Variants in AK9 observed in about 807,000 individuals in gnomAD.
AK9 encodes the protein adenylate kinase 9, also known as adenylate kinase domain containing 1.
Under a neutral mutation model 239.6 loss-of-function variants are expected in AK9, and 191 were observed. The observed-to-expected ratio is 0.80, with a 90% CI of 0.71 to 0.90. The LOEUF is 0.90. Ranked by LOEUF, AK9 falls within the 40% of genes least tolerant of loss-of-function variation. AK9 has a pLI of 0.00. For synonymous variants in AK9, 689 were observed against 721.0 expected, an observed-to-expected ratio of 0.96 and a Z score of 0.71; for missense variants, 1,995 against 2,214.7, an observed-to-expected ratio of 0.90 and a Z score of 1.99.
intron 14 of AK9, 36 bp from the exon 15 acceptor site, chr6:109,614,332 C>T: frequency 1.3e-6 from 2 of 1,545,884 alleles, no homozygotes; most frequent in Non-Finnish European, 1.8e-6. Context: ...ATCAGCTAAT[C>T]TATTTATATT....
chr6:109,522,281 G>A (rs930443522), intron 29 of AK9, among the ~76,000 whole-genome samples: 8 of 151,810 alleles, frequency 5.3e-5, no homozygotes, highest in Non-Finnish European at 7.4e-5. Flanking sequence ...TATTCTGCTT[G>A]GCATTCCATG....
At position 109,506,671 on chromosome 6, in the gene AK9, T is replaced by C; in HGVS notation, c.4611A>G (p.Glu1537=). The C allele has an allele frequency of 6.5e-7, 1 of 1,531,088 alleles. No individual in the cohort carries two copies. Among genetic ancestry groups the C allele is most frequent in the Non-Finnish European group, 8.8e-7 (1 of 1,134,018 alleles). The allele number at this position is 1,531,088 out of a possible 1,614,324, so 94.8% of individuals were successfully genotyped here. Residue 1537 remains glutamate, a synonymous_variant, in exon 34 of 41, where the codon GAA becomes GAG. Coordinates refer to ENST00000424296, the MANE Select transcript of AK9 (RefSeq NM_001145128.3). Reference sequence around the variant, plus strand: ...TACATTACCTTTGTTCATTTTCTTTTTCTAGGAGCAATCTTTTGAAAATCT... The same window carrying C: ...TACATTACCTTTGTTCATTTTCTTTCTCTAGGAGCAATCTTTTGAAAATCT... ...SKEIFKRLLL[E]KENEQRLPYP...
chr6:109,626,360 C>A (rs1795527475), intron 12 of AK9, among the ~76,000 whole-genome samples: 2 of 152,154 alleles, frequency 1.3e-5, no homozygotes, highest in African/African-American at 4.8e-5. Context: ...TGTTTCTTTG[C>A]ATGTCTTGTA....
intron 17 of AK9, among the ~76,000 whole-genome samples, chr6:109,600,062 C>G (rs144038611): frequency 6.6e-6 from 1 of 152,070 alleles, no homozygotes; most frequent in East Asian, 1.9e-4. Flanking sequence ...AATTGAATAC[C>G]CTTTATTTCT....
intron 10 of AK9, among the ~76,000 whole-genome samples, chr6:109,641,259 C>T (rs930815261): frequency 6.7e-6 from 1 of 149,804 alleles, no homozygotes; most frequent in Non-Finnish European, 1.5e-5. Flanking sequence ...GCCTTAACCT[C>T]CTGGGCTCAA....
intron 28 of AK9, among the ~76,000 whole-genome samples, chr6:109,531,868 C>T (rs1998812): frequency 0.58 from 88,534 of 152,060 alleles, 27,472 homozygotes; most frequent in South Asian, 0.84. Flanking sequence ...CCATAGTTCT[C>T]AGATGGCTAA....
At chr6:109,514,530 G>C (rs1779073896) in intron 31 of AK9, 93 bp from the exon 32 acceptor site, 4 of 1,091,348 alleles carry the variant, frequency 3.7e-6, no homozygotes. Context: ...CGTGACATAA[G>C]AAAAAAAAAT....
Position 109,559,879 on chromosome 6 carries a change from T to A in AK9, c.2751+3718A>T, listed in dbSNP as rs146445590. Among the ~76,000 whole-genome samples, 693 of 152,316 alleles carry A rather than the reference T, an allele frequency of 4.5e-3. 2 individuals carry two copies. The highest frequency in any genetic ancestry group is 0.024 in the Middle Eastern group (7 of 294). On this transcript the variant is annotated intron_variant, in intron 24 of 40. Coordinates refer to ENST00000424296, the MANE Select transcript of AK9 (RefSeq NM_001145128.3). ...TTTTATGGGGCTACTGTGAATTTGT[T>A]GGCAGGGTTAATTCTTTCTGGAGGC... is the stretch of plus-strand genomic sequence containing the variant.
intron 29 of AK9, among the ~76,000 whole-genome samples, chr6:109,518,118 G>A (rs1008266757): frequency 8.6e-5 from 13 of 152,038 alleles, no homozygotes; most frequent in African/African-American, 3.1e-4. Flanking sequence ...AAATGACCAG[G>A]CCTCTGGTCA....
Position 109,546,013 on chromosome 6 carries a change from G to T in AK9, c.3079C>A (p.Gln1027Lys). ...IFHIQFEEVL[Q>K]EKLLLKTEKK... ...TCAGTTTTGAGTAGTAGTTTTTCTT[G>T]AAGAACTTCTTCAAACTGAATGTGA... The change falls in exon 26 of 41, where the codon CAA becomes AAA. Residue 1027 changes from glutamine (Q) to lysine (K), a missense_variant. By Grantham distance (53) the Gln-to-Lys change is moderately conservative. Around this residue, in one of 5 missense-constraint regions of AK9, gnomAD observed 1,290 missense variants for 1,392.7 expected, o/e 0.93. Coordinates refer to ENST00000424296, the MANE Select transcript of AK9 (RefSeq NM_001145128.3). The T allele has an allele frequency of 1.2e-6, 2 of 1,613,830 alleles. No individual in the cohort carries two copies. Among genetic ancestry groups the T allele is most frequent in the Non-Finnish European group, 1.7e-6 (2 of 1,179,952 alleles).
intron 27 of AK9, among the ~76,000 whole-genome samples, chr6:109,540,804 T>A (rs1165533606): frequency 6.6e-6 from 1 of 152,228 alleles, no homozygotes; most frequent in Admixed American, 6.5e-5. Flanking sequence ...CCTGCTGTCA[T>A]TTCTTTGTCA....
chr6:109,668,273 G>A (rs944702201), intron 5 of AK9, among the ~76,000 whole-genome samples: 8 of 151,764 alleles, frequency 5.3e-5, no homozygotes, highest in African/African-American at 1.7e-4. Context: ...ATTTGTTTGA[G>A]TTCTTTGTAG....
At chr6:109,562,966 A>G (rs1024773364) in intron 24 of AK9, among the ~76,000 whole-genome samples, 7 of 152,204 alleles carry the variant, frequency 4.6e-5, no homozygotes, top group African/African-American at 1.7e-4. Flanking sequence ...GCCATCCCAA[A>G]GAAAGGCTCT....
At chr6:109,584,467 T>C (rs1182435114) in intron 19 of AK9, among the ~76,000 whole-genome samples, 1 of 152,156 alleles carries the variant, frequency 6.6e-6, no homozygotes, top group African/African-American at 2.4e-5. Context: ...ACGTAAAGTA[T>C]TTAAAGAGAA....
intron 27 of AK9, among the ~76,000 whole-genome samples, chr6:109,535,539 T>C (rs1781863480): frequency 6.6e-6 from 1 of 152,256 alleles, no homozygotes; most frequent in South Asian, 2.1e-4. Context: ...GGAAAAATTT[T>C]CTCCCATTCT....
At chr6:109,689,371 C>G (rs930847365) in intron 1 of AK9, among the ~76,000 whole-genome samples, 16 of 152,130 alleles carry the variant, frequency 1.1e-4, no homozygotes, top group African/African-American at 3.9e-4. Flanking sequence ...TTTCTATGCA[C>G]GACCAGCCCA....
chr6:109,655,364 C>T (rs1269107495), intron 8 of AK9, among the ~76,000 whole-genome samples: 1 of 152,052 alleles, frequency 6.6e-6, no homozygotes, highest in African/African-American at 2.4e-5. Flanking sequence ...ATTTGTTGTC[C>T]ATTTATCTCA....
In AK9 at chr6:109,675,738, G is replaced by A. The variant is rs1479797029; in HGVS notation, c.8C>T (p.Ser3Phe). The A allele has an allele frequency of 4.5e-6, 7 of 1,569,542 alleles. No individual in the cohort carries two copies. Among genetic ancestry groups the A allele is most frequent in the Non-Finnish European group, 5.2e-6 (6 of 1,156,114 alleles). ...AGGATACTCTTCTGTCTTCTCTTGA[G>A]AAGTCATGACACAAAATACTACAAT... MT[S>F]QEKTEEYPFA... is the part of the protein sequence containing the mutation. Residue 3 changes from serine (S) to phenylalanine (F), a missense_variant, in exon 2 of 41, where the codon TCT becomes TTT. Around this residue, in one of 5 missense-constraint regions of AK9, gnomAD observed 252 missense variants for 246.4 expected, o/e 1.02. Coordinates refer to ENST00000424296, the MANE Select transcript of AK9 (RefSeq NM_001145128.3).
At chr6:109,624,968 A>G (rs1352166945) in intron 12 of AK9, among the ~76,000 whole-genome samples, 8 of 151,924 alleles carry the variant, frequency 5.3e-5, no homozygotes, top group Non-Finnish European at 8.8e-5. Context: ...CATTTGTGTT[A>G]TATTTTCTTT....
Sources: allele counts gnomAD v4.1 joint callset (sites outside exome capture counted in the v4.1 genomes callset), GRCh38; gene constraint gnomAD v4.1.1; regional missense constraint gnomAD v4.1.1; transcripts MANE v1.5; gene names NCBI Gene and HGNC (gene_info 2026-07-23, HGNC 2026-07-21).